The following FAM184B variants were observed in gnomAD, a reference collection of about 807,000 sequenced individuals.
FAM184B encodes family with sequence similarity 184 member B, also known as protein FAM184B.
In FAM184B, 111 loss-of-function variants were observed where a neutral mutation model predicts 135.9. The observed-to-expected ratio is 0.82, with a 90% CI of 0.70 to 0.96. The LOEUF (loss-of-function observed/expected upper bound fraction) is 0.96. FAM184B is among the 40% of genes least tolerant of loss of function. The probability of loss-of-function intolerance (pLI) is 0.00; values close to 1 mark genes in which losing one functional copy is unlikely to be tolerated. For synonymous variants in FAM184B, 552 were observed against 524.8 expected (o/e 1.05, Z -0.71); for missense variants, 1,375 against 1,323.9 (o/e 1.04, Z -0.60).
chr4:17,738,109 C>G (rs1308476753), intron 1 of FAM184B, among the ~76,000 whole-genome samples: 2 of 152,116 alleles, frequency 1.3e-5, no homozygotes, highest in African/African-American at 4.8e-5. Flanking sequence ...TGATAGAACT[C>G]CATCCCTCTG....
intron 7 of FAM184B, among the ~76,000 whole-genome samples, chr4:17,669,647 C>T (rs1282593705): frequency 6.6e-6 from 1 of 152,144 alleles, no homozygotes; most frequent in Non-Finnish European, 1.5e-5. Flanking sequence ...GAATTGTTCA[C>T]TGAAATGCTA....
chr4:17,696,825 T>TGAAC (rs1172825229), intron 5 of FAM184B, among the ~76,000 whole-genome samples: 1 of 151,054 alleles, frequency 6.6e-6, no homozygotes, highest in Non-Finnish European at 1.5e-5. Context: ...AATGAATGAA[T>TGAAC]GAATGAATAA....
intron 3 of FAM184B, 84 bp from the exon 4 acceptor site, chr4:17,705,975 C>G (rs2108964403): frequency 6.6e-7 from 1 of 1,509,536 alleles, no homozygotes; most frequent in Middle Eastern, 1.8e-4. Flanking sequence ...GGCCCCCGTT[C>G]CGCTTTACAA....
rs187092227 is a variant in FAM184B at position 17,777,239 on chromosome 4, G to T, written c.141+3920C>A. On this transcript the variant is annotated intron_variant, in intron 1 of 17. Coordinates refer to ENST00000265018, the MANE Select transcript of FAM184B (RefSeq NM_015688.2). ...TGAATCTTAAAGAATTAGATGGAAA[G>T]AATAATTTATTATATGGTTTCATTT... Among the ~76,000 whole-genome samples, 217 of 152,288 alleles carry T rather than the reference G, an allele frequency of 1.4e-3. 1 individual carries two copies. The highest frequency in any genetic ancestry group is 5.0e-3 in the African/African-American group (209 of 41,552).
In FAM184B at chr4:17,653,930, G is replaced by GAGAGAGAGAGAGGGAGAGGGAGGGA. The variant is rs1402544369; in HGVS notation, c.2038-948_2038-947insTCCCTCCCTCTCCCTCTCTCTCTCT. On this transcript the variant is annotated intron_variant, in intron 10 of 17. Coordinates refer to ENST00000265018, the MANE Select transcript of FAM184B (RefSeq NM_015688.2). ...AGCAGAGGTCAGAGAGGGAGGGGGA[G>GAGAGAGAGAGAGGGAGAGGGAGGGA]GGGGATTTGAAGCTGCTACACTTTT... Among the ~76,000 whole-genome samples, 122 of 135,852 alleles carry GAGAGAGAGAGAGGGAGAGGGAGGGA rather than the reference G, an allele frequency of 9.0e-4. 1 individual carries two copies. Among genetic ancestry groups the GAGAGAGAGAGAGGGAGAGGGAGGGA allele is most frequent in the Middle Eastern group, 3.8e-3 (1 of 260 alleles). 89.1% of individuals were successfully genotyped at this position (135,852 alleles called of 152,430 possible).
chr4:17,724,580 C>T (rs908857932), intron 1 of FAM184B, among the ~76,000 whole-genome samples: 1 of 152,096 alleles, frequency 6.6e-6, no homozygotes, highest in African/African-American at 2.4e-5. Context: ...AAACTTGGTT[C>T]CATGGAGGAA....
chr4:17,690,724 A>G (rs1716713863), intron 6 of FAM184B, among the ~76,000 whole-genome samples: 1 of 152,204 alleles, frequency 6.6e-6, no homozygotes, highest in East Asian at 1.9e-4. Flanking sequence ...GCAATTGTTT[A>G]TGTAACATCT....
At chr4:17,660,202 G>C (rs1715881675) in intron 8 of FAM184B, 115 bp from the exon 9 acceptor site, 1 of 1,232,866 alleles carries the variant, frequency 8.1e-7, no homozygotes, top group East Asian at 2.6e-5. Context: ...ATAGCAGTTA[G>C]TGGGGATTAG....
intron 1 of FAM184B, among the ~76,000 whole-genome samples, chr4:17,780,175 G>C (rs988422415): frequency 6.6e-6 from 1 of 152,138 alleles, no homozygotes; most frequent in African/African-American, 2.4e-5. Context: ...GGCGGGACAG[G>C]GGGAGGGGAA....
chr4:17,731,171 A>G (rs1435654371), intron 1 of FAM184B, among the ~76,000 whole-genome samples: 1 of 152,242 alleles, frequency 6.6e-6, no homozygotes, highest in Non-Finnish European at 1.5e-5. Flanking sequence ...GAGCTCCTGA[A>G]GGAAGCACTA....
rs1387270207 is a variant in FAM184B, at chr4:17,631,408, T to TC, written c.*1123dup. The TC allele has an allele frequency of 6.6e-6, 1 of 152,144 alleles. No individual in the cohort carries two copies. The highest frequency in any genetic ancestry group is 1.5e-5 in the Non-Finnish European group (1 of 68,080). 9.4% of individuals were successfully genotyped at this position (152,144 alleles called of 1,614,324 possible). On this transcript the variant is annotated 3_prime_UTR_variant, in exon 18 of 18. Coordinates refer to ENST00000265018, the MANE Select transcript of FAM184B (RefSeq NM_015688.2). ...TCAAATTCCTGGCCTCAAGCTCTCCTCCCATCTCAGCCTCCCAAAGTGTTG... is the reference window on the plus strand; with the variant it reads ...TCAAATTCCTGGCCTCAAGCTCTCCTCCCCATCTCAGCCTCCCAAAGTGTTG...
At chr4:17,739,312 T>C (rs1057387926) in intron 1 of FAM184B, among the ~76,000 whole-genome samples, 29 of 152,120 alleles carry the variant, frequency 1.9e-4, no homozygotes, top group Admixed American at 2.0e-4. Context: ...TTGTCCCCAG[T>C]ACAACTGTCC....
intron 7 of FAM184B, among the ~76,000 whole-genome samples, chr4:17,670,890 AC>A (rs1400523976): frequency 6.6e-6 from 1 of 152,174 alleles, no homozygotes; most frequent in African/African-American, 2.4e-5. Flanking sequence ...ATTGTCACCT[AC>A]CAGCATCAAG....
chr4:17,758,988 T>TA (rs2108991659), intron 1 of FAM184B, among the ~76,000 whole-genome samples: 1 of 152,366 alleles, frequency 6.6e-6, no homozygotes, highest in Admixed American at 6.5e-5. Context: ...GGTATAAAGA[T>TA]AATGTCTGTT....
chr4:17,657,211 A>C (rs569626207), intron 10 of FAM184B, among the ~76,000 whole-genome samples: 1 of 152,266 alleles, frequency 6.6e-6, no homozygotes, highest in African/African-American at 2.4e-5. Flanking sequence ...GTCTTCCTAC[A>C]ACTTCTAAAT....
chr4:17,637,552 C>G (rs560231916), intron 14 of FAM184B, among the ~76,000 whole-genome samples: 93 of 152,138 alleles, frequency 6.1e-4, no homozygotes, highest in Non-Finnish European at 1.1e-3. Flanking sequence ...GGGCATGAAA[C>G]TGGGTGGTTG....
chr4:17,740,546 C>T (rs993141994), intron 1 of FAM184B, among the ~76,000 whole-genome samples: 2 of 152,058 alleles, frequency 1.3e-5, no homozygotes, highest in Non-Finnish European at 2.9e-5. Context: ...CTAGTTGAGC[C>T]ACTGTTTATA....
At chr4:17,747,790 G>A (rs892804470) in intron 1 of FAM184B, among the ~76,000 whole-genome samples, 5 of 151,584 alleles carry the variant, frequency 3.3e-5, no homozygotes, top group South Asian at 2.1e-4. Flanking sequence ...GCGAGGTGGC[G>A]GGCGCCTGTA....
At position 17,632,582 on chromosome 4, in the gene FAM184B, T is replaced by G. The variant is rs1319881533; in HGVS notation, c.3133A>C (p.Lys1045Gln). The change falls in exon 18 of 18, where the codon AAA becomes CAA. Residue 1045 changes from lysine (K) to glutamine (Q), a missense_variant. Transcript: ENST00000265018. ...CATTCCTGGTGCGGAGAGCCCTGTTTCTGCTGGACTTCTTTGGCTTGGGCC... is the reference window on the plus strand; with the variant it reads ...CATTCCTGGTGCGGAGAGCCCTGTTGCTGCTGGACTTCTTTGGCTTGGGCC... ...ETAQAKEVQQ[K>Q]QGSPHQEWFT... 1.1e-5 allele frequency: 17 copies of G among 1,551,440 alleles called. No homozygotes were observed. The highest frequency in any genetic ancestry group is 1.0e-5 in the Non-Finnish European group (12 of 1,146,868).
Sources: allele counts gnomAD v4.1 joint callset (sites outside exome capture counted in the v4.1 genomes callset), GRCh38; gene constraint gnomAD v4.1.1; transcripts MANE v1.5; gene names NCBI Gene and HGNC (gene_info 2026-07-23, HGNC 2026-07-21).